The following CLVS1 variants were observed in gnomAD, a reference collection of about 807,000 sequenced individuals.
The protein encoded by CLVS1 is clavesin 1, also known as clavesin-1.
A neutral mutation model predicts 33.1 loss-of-function variants in CLVS1; 10 were observed. The ratio of observed to expected loss-of-function variants is 0.30; its 90% CI spans 0.19 to 0.51. The LOEUF (loss-of-function observed/expected upper bound fraction) is 0.51, where lower values mean the gene tolerates loss of function less well. CLVS1 is among the 20% of genes least tolerant of loss of function. The pLI, the probability that CLVS1 is intolerant of heterozygous loss-of-function variation, is 0.97. For missense variants in CLVS1, 343 were observed against 433.4 expected (o/e 0.79, Z 1.85); for synonymous variants, 163 against 166.1 (o/e 0.98, Z 0.14).
intron 3 of CLVS1, among the ~76,000 whole-genome samples, chr8:61,428,794 C>T (rs1377994509): frequency 6.6e-6 from 1 of 152,214 alleles, no homozygotes; most frequent in Non-Finnish European, 1.5e-5. Context: ...AAAAGTTGGC[C>T]TTCCCCATAA....
chr8:61,346,325 C>A (rs892144690), intron 2 of CLVS1, among the ~76,000 whole-genome samples: 2 of 152,110 alleles, frequency 1.3e-5, no homozygotes, highest in Non-Finnish European at 2.9e-5. Context: ...GACATTTGCA[C>A]AGACTCTTCT....
At chr8:61,456,402 A>G (rs931963080) in intron 4 of CLVS1, among the ~76,000 whole-genome samples, 2 of 152,236 alleles carry the variant, frequency 1.3e-5, no homozygotes, top group African/African-American at 2.4e-5. Flanking sequence ...ACTTTCTTCA[A>G]AAGAAATAAT....
At position 61,424,745 on chromosome 8, in the gene CLVS1, A is replaced by G. The variant is rs1463694026; in HGVS notation, c.631-29396A>G. Among the ~76,000 whole-genome samples, 4 of 152,170 alleles carry G rather than the reference A, an allele frequency of 2.6e-5. No homozygotes were observed. The East Asian group carries it at 7.7e-4, about 29-fold the overall frequency. ...TCTTATTAGGTAAAGGTAGCTAAGA[A>G]TTTGCTGTGCATTCCAGTTATTCTG... is the stretch of plus-strand genomic sequence containing the variant. On this transcript the variant is annotated intron_variant, in intron 3 of 5. Transcript: ENST00000325897.
chr8:61,469,641 C>G (rs1361788614), intron 5 of CLVS1, among the ~76,000 whole-genome samples: 3 of 152,182 alleles, frequency 2.0e-5, no homozygotes, highest in African/African-American at 7.2e-5. Context: ...TGGATAACTA[C>G]TCATTTCCAG....
At chr8:61,313,654 C>A (rs78338826) in intron 2 of CLVS1, among the ~76,000 whole-genome samples, 1 of 152,120 alleles carries the variant, frequency 6.6e-6, no homozygotes, top group Non-Finnish European at 1.5e-5. Flanking sequence ...GAGTACAGTG[C>A]AGGGGGCAGT....
intron 3 of CLVS1, among the ~76,000 whole-genome samples, chr8:61,399,232 A>G (rs56266349): frequency 0.028 from 4,260 of 152,228 alleles, 76 homozygotes; most frequent in Non-Finnish European, 0.044. Flanking sequence ...TGACTTTTTA[A>G]TAATAGCCAT....
Position 61,460,036 on chromosome 8 carries a change from G to A in CLVS1, c.977+1494G>A, listed in dbSNP as rs78789669. On this transcript the variant is annotated intron_variant, in intron 5 of 5. Transcript: ENST00000325897. Reference sequence around the variant, plus strand: ...AATTATGACCCACCCATAGAACCTCGTTTTACCTTAATTGCTTCTTTAAAA... The same window carrying A: ...AATTATGACCCACCCATAGAACCTCATTTTACCTTAATTGCTTCTTTAAAA... 7.7e-3 allele frequency among the ~76,000 whole-genome samples: 1,177 copies of A among 151,988 alleles called. 8 individuals are homozygous for A. The highest frequency in any genetic ancestry group is 0.027 in the African/African-American group (1,125 of 41,446).
chr8:61,475,177 T>G (rs1817874403), intron 5 of CLVS1, among the ~76,000 whole-genome samples: 1 of 152,248 alleles, frequency 6.6e-6, no homozygotes, highest in Non-Finnish European at 1.5e-5. Flanking sequence ...GTGCCACATT[T>G]TCTTAATCCA....
chr8:61,385,394 G>T (rs1221892945), intron 3 of CLVS1, among the ~76,000 whole-genome samples: 1 of 152,190 alleles, frequency 6.6e-6, no homozygotes, highest in Admixed American at 6.5e-5. Flanking sequence ...TCCTGTCAGT[G>T]TTCTAGGGGA....
intron 2 of CLVS1, among the ~76,000 whole-genome samples, chr8:61,227,762 G>A (rs1273580097): frequency 1.3e-5 from 2 of 152,204 alleles, no homozygotes; most frequent in African/African-American, 4.8e-5. Flanking sequence ...ATACCCAAAA[G>A]TTAAGTTTTT....
At chr8:61,333,152 G>T (rs1474309551) in intron 2 of CLVS1, among the ~76,000 whole-genome samples, 2 of 152,000 alleles carry the variant, frequency 1.3e-5, no homozygotes, top group African/African-American at 4.8e-5. Context: ...TTATTACATT[G>T]CTTAGGAAGC....
chr8:61,391,789 C>A (rs1434181725), intron 3 of CLVS1, among the ~76,000 whole-genome samples: 1 of 152,062 alleles, frequency 6.6e-6, no homozygotes, highest in African/African-American at 2.4e-5. Flanking sequence ...GAGTATAGGG[C>A]AGCATTAAAG....
At chr8:61,057,366 TCA>T (rs61415501) in intron 1 of CLVS1, 23,638 of 139,654 alleles carry the variant, frequency 0.17, 1,939 homozygotes, top group East Asian at 0.27. Context: ...TTAGCACACT[TCA>T]CACACACACA....
intron 2 of CLVS1, among the ~76,000 whole-genome samples, chr8:61,359,971 T>C (rs1160707782): frequency 1.3e-5 from 2 of 152,096 alleles, no homozygotes; most frequent in Non-Finnish European, 1.5e-5. Context: ...GCACCTGCTA[T>C]CGGCATGGCC....
At chr8:61,204,835 C>T (rs1807806812) in intron 2 of CLVS1, among the ~76,000 whole-genome samples, 2 of 152,158 alleles carry the variant, frequency 1.3e-5, no homozygotes, top group Non-Finnish European at 2.9e-5. Flanking sequence ...AGGCAAAATC[C>T]ATACCCATTC....
At chr8:61,026,946 C>T in the CLVS1 span, among the ~76,000 whole-genome samples, 12 of 152,104 alleles carry the variant, frequency 7.9e-5, no homozygotes, top group African/African-American at 2.7e-4. Flanking sequence ...TCAACAAATC[C>T]TCTTTATGAA....
intron 2 of CLVS1, among the ~76,000 whole-genome samples, chr8:61,181,993 G>A (rs1807248370): frequency 2.0e-5 from 3 of 152,148 alleles, no homozygotes; most frequent in South Asian, 4.1e-4. Context: ...GAGCCACCGT[G>A]TCCTGCCCAA....
intron 4 of CLVS1, 63 bp from the exon 5 acceptor site, chr8:61,458,244 A>G: frequency 8.2e-7 from 1 of 1,214,690 alleles, no homozygotes; most frequent in South Asian, 1.4e-5. Flanking sequence ...TGTGTATTAG[A>G]TGAAATCTTT....
chr8:61,478,294 T>C (rs913869666), intron 5 of CLVS1, among the ~76,000 whole-genome samples: 1 of 152,334 alleles, frequency 6.6e-6, no homozygotes, highest in East Asian at 1.9e-4. Context: ...GTATATTCTG[T>C]TGATTTGGGG....
Sources: gnomAD v4.1 joint callset for allele counts (sites outside exome capture counted in the v4.1 genomes callset) on GRCh38, gnomAD v4.1.1 for gene constraint, MANE v1.5 for transcripts, NCBI Gene and HGNC (gene_info 2026-07-23, HGNC 2026-07-21) for gene names.